Variants in GRAMD1B observed in about 807,000 individuals in gnomAD.
The protein encoded by GRAMD1B is protein Aster-B.
In GRAMD1B, 37 loss-of-function variants were observed where a neutral mutation model predicts 99.7. The observed-to-expected ratio is 0.37, with a 90% confidence interval of 0.29 to 0.49. GRAMD1B has a LOEUF of 0.49. Ranked by LOEUF, GRAMD1B falls within the 20% of genes least tolerant of loss-of-function variation. The pLI, the probability that GRAMD1B is intolerant of heterozygous loss-of-function variation, is 0.98. For missense variants in GRAMD1B, 888 were observed against 1,009.2 expected (o/e 0.88, Z 1.63); for synonymous variants, 427 against 387.6 (o/e 1.10, Z -1.19).
At chr11:123,427,259 G>C (rs1045211729), upstream of GRAMD1B, among the ~76,000 whole-genome samples, 2 of 152,176 alleles carry the variant, frequency 1.3e-5, no homozygotes, top group African/African-American at 4.8e-5. Context: ...ACTTTTGGAG[G>C]CCTCTAAACT....
chr11:123,471,826 A>G (rs553193432), intron 1 of GRAMD1B, among the ~76,000 whole-genome samples: 1 of 152,330 alleles, frequency 6.6e-6, no homozygotes, highest in African/African-American at 2.4e-5. Flanking sequence ...GTATACCTGG[A>G]CAGGTTCATA....
At chr11:123,598,610 T>C (rs1565440246) in intron 7 of GRAMD1B, 3 of 1,487,846 alleles carry the variant, frequency 2.0e-6, no homozygotes, top group East Asian at 4.5e-5. Context: ...GTCTCTGGGC[T>C]CGCTCTTCTG....
At chr11:123,573,782 G>A (rs932432719) in intron 2 of GRAMD1B, among the ~76,000 whole-genome samples, 24 of 152,170 alleles carry the variant, frequency 1.6e-4, no homozygotes, top group African/African-American at 4.6e-4. Flanking sequence ...TTATTTTTAT[G>A]AATATTAGCA....
intron 1 of GRAMD1B, among the ~76,000 whole-genome samples, chr11:123,474,218 C>G (rs1027622109): frequency 6.6e-6 from 1 of 152,074 alleles, no homozygotes; most frequent in South Asian, 2.1e-4. Context: ...TGATTTCTAC[C>G]ATTTCTAATC....
At chr11:123,460,473 T>TTTG (rs1172310931) in intron 1 of GRAMD1B, 1 of 152,166 alleles carries the variant, frequency 6.6e-6, no homozygotes, top group East Asian at 1.9e-4. Flanking sequence ...ATTGGGCAGA[T>TTTG]TTGTGGCAAT....
At chr11:123,497,518 C>T (rs1726848214) in intron 2 of GRAMD1B, among the ~76,000 whole-genome samples, 1 of 152,186 alleles carries the variant, frequency 6.6e-6, no homozygotes, top group Non-Finnish European at 1.5e-5. Context: ...GCAAGTTCCC[C>T]TAGGCCCCAG....
Position 123,618,815 on chromosome 11 carries a change from G to A in GRAMD1B, c.2426+15G>A, listed in dbSNP as rs370093744. On this transcript the variant is annotated intron_variant, in intron 18 of 19. Transcript: ENST00000635736. ...CTCCAAGAAAGGTAATCCTGGCCTC[G>A]TCCCCTCACCTCCACCTTCATCCCA... 1.5e-4 allele frequency: 200 copies of A among 1,303,852 alleles called. No homozygotes were observed. The highest frequency in any genetic ancestry group is 1.1e-3 in the East Asian group (46 of 40,274). 80.8% of individuals were successfully genotyped at this position (1,303,852 alleles called of 1,614,324 possible).
rs189027187 is a variant in GRAMD1B, at chr11:123,589,290, A to G, written c.685-4792A>G. Among the ~76,000 whole-genome samples, 11 of 151,970 alleles carry G rather than the reference A, an allele frequency of 7.2e-5. No individual in the cohort carries two copies. The East Asian group carries it at 2.1e-3, about 30-fold the overall frequency. On this transcript the variant is annotated intron_variant, in intron 4 of 19. Transcript: ENST00000635736. ...TCCTTCAGACAGAGTGAGACATGCT[A>G]CACCATGAATGGAGAGCTGCGTCTG...
At chr11:123,434,729 A>G (rs887535490) in intron 1 of GRAMD1B, among the ~76,000 whole-genome samples, 1 of 152,208 alleles carries the variant, frequency 6.6e-6, no homozygotes, top group Non-Finnish European at 1.5e-5. Flanking sequence ...CAAAGGTTTC[A>G]GTGAGCTGAG....
intron 2 of GRAMD1B, among the ~76,000 whole-genome samples, chr11:123,493,305 A>T (rs1386628023): frequency 1.3e-5 from 2 of 152,208 alleles, no homozygotes; most frequent in Non-Finnish European, 2.9e-5. Context: ...ATAAAATAAG[A>T]AAGGCACTTA....
intron 2 of GRAMD1B, among the ~76,000 whole-genome samples, chr11:123,506,254 A>G (rs1021855122): frequency 6.6e-6 from 1 of 152,300 alleles, no homozygotes; most frequent in Admixed American, 6.5e-5. Flanking sequence ...GGCAGCTGCC[A>G]TGGAGGCTCT....
chr11:123,583,842 T>G (rs1169738562), intron 3 of GRAMD1B, among the ~76,000 whole-genome samples: 1 of 152,080 alleles, frequency 6.6e-6, no homozygotes, highest in Non-Finnish European at 1.5e-5. Flanking sequence ...CTGCTGAGAG[T>G]GCAGTTGGAG....
chr11:123,555,405 A>G (rs957037065), intron 2 of GRAMD1B, among the ~76,000 whole-genome samples: 1 of 152,074 alleles, frequency 6.6e-6, no homozygotes, highest in Non-Finnish European at 1.5e-5. Flanking sequence ...CTGGGGTGCA[A>G]TGGTGCGATC....
chr11:123,483,063 G>C (rs1951700145), intron 2 of GRAMD1B, among the ~76,000 whole-genome samples: 1 of 151,820 alleles, frequency 6.6e-6, no homozygotes, highest in African/African-American at 2.4e-5. Flanking sequence ...TTGGTTGAAG[G>C]AAAGGGATTT....
chr11:123,466,273 C>CAAGG (rs1254492886), intron 1 of GRAMD1B, among the ~76,000 whole-genome samples: 2 of 136,528 alleles, frequency 1.5e-5, no homozygotes, highest in African/African-American at 2.8e-5. Context: ...GAGACTCTGT[C>CAAGG]AAGGAAGGAA....
upstream of GRAMD1B, among the ~76,000 whole-genome samples, chr11:123,426,790 T>C (rs1385762290): frequency 6.6e-6 from 1 of 152,178 alleles, no homozygotes; most frequent in Non-Finnish European, 1.5e-5. Context: ...CTTGGATGTG[T>C]ACCCAGGAGA....
At chr11:123,379,025 A>G (rs1241983061) in intron 1 of GRAMD1B, among the ~76,000 whole-genome samples, 2 of 152,138 alleles carry the variant, frequency 1.3e-5, no homozygotes, top group Non-Finnish European at 2.9e-5. Flanking sequence ...GTGTCAGTCT[A>G]AAGAGGAACA....
intron 2 of GRAMD1B, among the ~76,000 whole-genome samples, chr11:123,513,439 G>C (rs979387665): frequency 2.6e-5 from 4 of 151,806 alleles, no homozygotes; most frequent in Non-Finnish European, 5.9e-5. Flanking sequence ...TGACCTGACT[G>C]TGTTAAAATA....
intron 17 of GRAMD1B, among the ~76,000 whole-genome samples, chr11:123,616,451 G>C (rs1266408276): frequency 6.6e-6 from 1 of 152,252 alleles, no homozygotes; most frequent in African/African-American, 2.4e-5. Context: ...GGTTTGTAGA[G>C]CACTGTAACC....
Sources: allele counts gnomAD v4.1 joint callset (sites outside exome capture counted in the v4.1 genomes callset), GRCh38; gene constraint gnomAD v4.1.1; transcripts MANE v1.5; gene names NCBI Gene and HGNC (gene_info 2026-07-23, HGNC 2026-07-21).